Variants in SH3D19 observed in about 807,000 individuals in gnomAD.
The protein encoded by SH3D19 is SH3 domain containing 19.
SH3D19 carries 58 observed loss-of-function variants against 112.1 expected under a neutral mutation model. The observed-to-expected ratio is 0.52, with a 90% CI of 0.42 to 0.64. The LOEUF (loss-of-function observed/expected upper bound fraction) is 0.64, where lower values mean the gene tolerates loss of function less well. SH3D19 is among the 30% of genes least tolerant of loss of function. The pLI is 0.00. For missense variants in SH3D19, 1,090 were observed against 1,263.4 expected (o/e 0.86, Z 2.08); for synonymous variants, 391 against 448.5 (o/e 0.87, Z 1.62).
chr4:151,165,333 C>T (rs1251461082), intron 8 of SH3D19, among the ~76,000 whole-genome samples: 1 of 150,534 alleles, frequency 6.6e-6, no homozygotes, highest in African/African-American at 2.5e-5. Context: ...GAGAGCGTGA[C>T]TCCCAAAAAA....
At chr4:151,189,176 T>C (rs1762244896) in intron 2 of SH3D19, among the ~76,000 whole-genome samples, 1 of 151,394 alleles carries the variant, frequency 6.6e-6, no homozygotes, top group African/African-American at 2.4e-5. Flanking sequence ...TGCAGTGGTG[T>C]GATCTCGGCT....
intron 1 of SH3D19, among the ~76,000 whole-genome samples, chr4:151,289,774 T>C (rs1261069543): frequency 1.3e-5 from 2 of 152,132 alleles, no homozygotes; most frequent in African/African-American, 2.4e-5. Flanking sequence ...GATAAAAATA[T>C]GTCCATACAA....
chr4:151,247,402 T>G (rs779317701), intron 1 of SH3D19, among the ~76,000 whole-genome samples: 1 of 152,218 alleles, frequency 6.6e-6, no homozygotes, highest in Non-Finnish European at 1.5e-5. Context: ...CTATGACAAC[T>G]TCTTTGTTTC....
rs1177737875 is a variant in SH3D19, at chr4:151,159,368, G to A, written c.1643-16C>T. On this transcript the variant is annotated splice_polypyrimidine_tract_variant and intron_variant, in intron 8 of 19. Coordinates refer to ENST00000604030, the MANE Select transcript of SH3D19 (RefSeq NM_001378122.1). ...TCATGTAAACCTGGAAAAAGTAGCA[G>A]TAATTCATCAATAATTTCTAGTTTC... 4 of 1,391,158 alleles carry A rather than the reference G, an allele frequency of 2.9e-6. No homozygotes were observed. The highest frequency in any genetic ancestry group is 4.0e-6 in the Non-Finnish European group (4 of 1,007,652). The allele number at this position is 1,391,158 out of a possible 1,614,324, so 86.2% of individuals were successfully genotyped here.
chr4:151,178,025 C>A (rs2149832498), intron 4 of SH3D19, among the ~76,000 whole-genome samples: 1 of 152,288 alleles, frequency 6.6e-6, no homozygotes, highest in East Asian at 1.9e-4. Flanking sequence ...AGCTCCCCGC[C>A]CCTCAGCTTC....
chr4:151,164,576 C>T (rs1757666712), intron 8 of SH3D19, among the ~76,000 whole-genome samples: 1 of 151,378 alleles, frequency 6.6e-6, no homozygotes, highest in Non-Finnish European at 1.5e-5. Context: ...TGTAACGTTA[C>T]ACTAATTTTT....
chr4:151,275,628 C>T (rs915536627), intron 1 of SH3D19, among the ~76,000 whole-genome samples: 8 of 152,080 alleles, frequency 5.3e-5, no homozygotes, highest in African/African-American at 1.9e-4. Context: ...TCAAGTGATC[C>T]TCCTGCCTCA....
intron 8 of SH3D19, among the ~76,000 whole-genome samples, chr4:151,162,436 T>C (rs1757319738): frequency 1.3e-5 from 2 of 152,112 alleles, no homozygotes; most frequent in Admixed American, 6.6e-5. Context: ...AATTTTCTAC[T>C]AGTTCTTGGA....
intron 2 of SH3D19, among the ~76,000 whole-genome samples, chr4:151,220,889 C>T (rs1767916239): frequency 6.6e-6 from 1 of 152,126 alleles, no homozygotes; most frequent in Non-Finnish European, 1.5e-5. Flanking sequence ...TAATAATCTA[C>T]AGAAGAGAGT....
At chr4:151,125,139 G>A (rs6853215) in intron 19 of SH3D19, among the ~76,000 whole-genome samples, 123,555 of 152,120 alleles carry the variant, frequency 0.81, 52,404 homozygotes, top group Non-Finnish European at 0.95. Context: ...AAGGTTACGA[G>A]TTTTTAATTT....
At chr4:151,213,659 A>G (rs1193795001) in intron 2 of SH3D19, among the ~76,000 whole-genome samples, 1 of 128,374 alleles carries the variant, frequency 7.8e-6, no homozygotes, top group African/African-American at 2.8e-5. Context: ...GGAGGAATTA[A>G]TAATATGAAT....
At chr4:151,139,584 A>G (rs189226670) in intron 13 of SH3D19, among the ~76,000 whole-genome samples, 191 bp downstream of exon 13, 2 of 152,174 alleles carry the variant, frequency 1.3e-5, no homozygotes, top group African/African-American at 2.4e-5. Context: ...GTATACAACT[A>G]AGCTTTCTGG....
chr4:151,127,824 C>T (rs1749749607), intron 18 of SH3D19, 109 bp from the exon 19 acceptor site: 1 of 551,636 alleles, frequency 1.8e-6, no homozygotes, highest in Admixed American at 4.0e-5. Context: ...AGTATCTTCT[C>T]TTCAGAGGTA....
intron 1 of SH3D19, among the ~76,000 whole-genome samples, chr4:151,287,846 T>C (rs1279704402): frequency 6.6e-6 from 1 of 152,112 alleles, no homozygotes; most frequent in Admixed American, 6.5e-5. Flanking sequence ...TGCCACCACA[T>C]TCCAGCCTGG....
At chr4:151,135,274 G>A in intron 14 of SH3D19, 142 bp from the exon 15 acceptor site, 2 of 541,940 alleles carry the variant, frequency 3.7e-6, no homozygotes, top group South Asian at 3.5e-5. Flanking sequence ...AACTACAGGT[G>A]CTAAATGGTA....
At chr4:151,151,719 T>A (rs1755093240) in intron 9 of SH3D19, among the ~76,000 whole-genome samples, 1 of 152,226 alleles carries the variant, frequency 6.6e-6, no homozygotes, top group Non-Finnish European at 1.5e-5. Context: ...ATATAATCCT[T>A]GCCTTATAAT....
At chr4:151,237,150 C>G (rs577226960) in intron 1 of SH3D19, among the ~76,000 whole-genome samples, 1 of 152,070 alleles carries the variant, frequency 6.6e-6, no homozygotes, top group Admixed American at 6.5e-5. Flanking sequence ...AGCGAGACCA[C>G]GAACCCAGCG....
At chr4:151,319,202 C>A (rs147439787) in intron 1 of SH3D19, among the ~76,000 whole-genome samples, 2 of 152,182 alleles carry the variant, frequency 1.3e-5, no homozygotes, top group African/African-American at 4.8e-5. Context: ...GTGCCCACCA[C>A]CACATCTGGC....
intron 3 of SH3D19, among the ~76,000 whole-genome samples, chr4:151,185,357 T>C (rs774233374): frequency 1.3e-5 from 2 of 152,176 alleles, no homozygotes; most frequent in African/African-American, 2.4e-5. Flanking sequence ...TCCAAGATTC[T>C]ATCCCTTCTC....
Sources: gnomAD v4.1 joint callset for allele counts (sites outside exome capture counted in the v4.1 genomes callset) on GRCh38, gnomAD v4.1.1 for gene constraint, MANE v1.5 for transcripts, NCBI Gene and HGNC (gene_info 2026-07-23, HGNC 2026-07-21) for gene names.